Variants in CD4 observed in about 807,000 individuals in gnomAD.
CD4 encodes CD4 molecule.
Under a neutral mutation model 50.5 loss-of-function variants are expected in CD4, and 25 were observed. The ratio of observed to expected loss-of-function variants is 0.49; its 90% CI spans 0.36 to 0.69. CD4 has a LOEUF of 0.69. CD4 is among the 30% of genes least tolerant of loss of function. The pLI, the probability that CD4 is intolerant of heterozygous loss-of-function variation, is 0.00. For missense variants in CD4, 456 were observed against 548.5 expected (o/e 0.83, Z 1.68); for synonymous variants, 207 against 221.9 (o/e 0.93, Z 0.60).
chr12:6,818,667 C>G lies in CD4; in HGVS notation c.1278+125C>G. 7.7e-7 allele frequency: 1 copy of G among 1,300,950 alleles called. No individual in the cohort carries two copies. The allele number at this position is 1,300,950 out of a possible 1,614,324, so 80.6% of individuals were successfully genotyped here. On this transcript the variant is annotated intron_variant, in intron 8 of 9. Transcript: ENST00000011653. This position sits in a 1 kb window ranked among gnomAD's most constrained non-coding sequence, Gnocchi z 5.0. ...TGCCCACTCGTAAGTTCCCTTGCTG[C>G]CCTGTCCCAGATCCCACTCAAGGGA... is the stretch of plus-strand genomic sequence containing the variant.
At position 6,818,135 on chromosome 12, in the gene CD4, ACACACATGCACACACT is replaced by A. The variant is rs1943152091; in HGVS notation, c.1157-270_1157-255del. Reference sequence around the variant, plus strand: ...ACACATTCACACCATTCACACACGCACACACATGCACACACTCACACATGCACACACACATGCACTC... The same window carrying A: ...ACACATTCACACCATTCACACACGCACACACATGCACACACACATGCACTC... On this transcript the variant is annotated intron_variant, in intron 7 of 9. Coordinates refer to ENST00000011653, the MANE Select transcript of CD4 (RefSeq NM_000616.5). The surrounding 1 kb of genome is among the most constrained non-coding windows in gnomAD (Gnocchi z 5.0). Among the ~76,000 whole-genome samples, 2 of 151,954 alleles carry A rather than the reference ACACACATGCACACACT, an allele frequency of 1.3e-5. No homozygotes were observed. Among genetic ancestry groups the A allele is most frequent in the Middle Eastern group, 3.4e-3 (1 of 292 alleles).
intron 3 of CD4, among the ~76,000 whole-genome samples, chr12:6,812,881 G>A (rs782570629): frequency 6.2e-3 from 12 of 1,928 alleles, no homozygotes; most frequent in African/African-American, 7.5e-3. Flanking sequence ...CTGCCTCCCA[G>A]TCTCAAGCGA....
chr12:6,819,016 A>C, intron 9 of CD4, 102 bp downstream of exon 9: 2 of 683,354 alleles, frequency 2.9e-6, no homozygotes, highest in East Asian at 3.9e-5. Flanking sequence ...GGAAGGGAGG[A>C]TGGAGAGGAG....
Position 6,818,946 on chromosome 12 carries a change from GGAA to G in CD4, c.1346+33_1346+35del. 1 of 1,079,114 alleles carries G rather than the reference GGAA, an allele frequency of 9.3e-7. No individual in the cohort carries two copies. The highest frequency in any genetic ancestry group is 1.4e-6 in the Non-Finnish European group (1 of 702,658). The allele number at this position is 1,079,114 out of a possible 1,614,324, so 66.8% of individuals were successfully genotyped here. A position where few individuals can be genotyped will look rare whatever the true frequency, so the allele number is the denominator to read the frequency against. The stretch of plus-strand genomic sequence containing the variant: ...ATCTGGGAGGAGGGGTTGAGAGAGG[GGAA>G]AGGGGGAGGGGGAGGGAGTTAGAGA... On this transcript the variant is annotated intron_variant, in intron 9 of 9. Transcript: ENST00000011653. The surrounding 1 kb of genome is among the most constrained non-coding windows in gnomAD (Gnocchi z 5.0).
chr12:6,807,447 G>GA (rs1942798385), intron 3 of CD4, among the ~76,000 whole-genome samples: 1 of 151,896 alleles, frequency 6.6e-6, no homozygotes, highest in Non-Finnish European at 1.5e-5. Context: ...TATGCTGAGT[G>GA]AAAAAAAGCC....
At chr12:6,798,559 C>T (rs920633277) in intron 1 of CD4, among the ~76,000 whole-genome samples, 28 of 152,172 alleles carry the variant, frequency 1.8e-4, no homozygotes, top group African/African-American at 6.0e-4. Context: ...ACAAAAGTTA[C>T]AGATTAACAG....
At chr12:6,793,902 C>T (rs1942269642) in intron 1 of CD4, among the ~76,000 whole-genome samples, 2 of 151,290 alleles carry the variant, frequency 1.3e-5, no homozygotes, top group Non-Finnish European at 2.9e-5. Context: ...ATCTGCCTGC[C>T]TCGGCCTCCC....
intron 1 of CD4, among the ~76,000 whole-genome samples, chr12:6,795,102 A>C (rs570376819): frequency 2.3e-4 from 34 of 149,058 alleles, no homozygotes; most frequent in African/African-American, 7.7e-4. Flanking sequence ...GTCTGTCTCT[A>C]TCTATCTATC....
At position 6,819,565 on chromosome 12, in the gene CD4, C is replaced by G. The variant is rs201013016; in HGVS notation, c.*236C>G. The G allele has an allele frequency of 8.6e-6, 5 of 579,114 alleles. No homozygotes were observed. Among genetic ancestry groups the G allele is most frequent in the Non-Finnish European group, 1.5e-5 (5 of 324,000 alleles). 35.9% of individuals were successfully genotyped at this position (579,114 alleles called of 1,614,324 possible). On this transcript the variant is annotated 3_prime_UTR_variant, in exon 10 of 10. Coordinates refer to ENST00000011653, the MANE Select transcript of CD4 (RefSeq NM_000616.5). ...CACGCCATTTCCTTTTCCTTCAAGC[C>G]TAGCCCTTCTCTCATTATTTCTCTC...
chr12:6,804,549 A>G (rs1325711495), intron 3 of CD4, among the ~76,000 whole-genome samples: 1 of 152,218 alleles, frequency 6.6e-6, no homozygotes, highest in Non-Finnish European at 1.5e-5. Flanking sequence ...ACATGTGTAC[A>G]CAGAAATTAA....
chr12:6,806,146 A>G (rs1469344731), intron 3 of CD4, among the ~76,000 whole-genome samples: 20 of 142,374 alleles, frequency 1.4e-4, no homozygotes, highest in Non-Finnish European at 2.2e-4. Flanking sequence ...CAAAAAAAAA[A>G]AAAGGTACAT....
Position 6,814,163 on chromosome 12 carries a change from G to A in CD4, c.236G>A (p.Arg79His), listed in dbSNP as rs1943021607. 4.3e-6 allele frequency: 7 copies of A among 1,613,952 alleles called. No individual in the cohort carries two copies. The highest frequency in any genetic ancestry group is 1.7e-4 in the Middle Eastern group (1 of 6,058). Reference protein sequence around the residue: ...LTKGPSKLNDRADSRRSLWDQ... With the variant: ...LTKGPSKLNDHADSRRSLWDQ... ...CCAGGTCCATCCAAGCTGAATGATC[G>A]CGCTGACTCAAGAAGAAGCCTTTGG... Residue 79 changes from arginine (R) to histidine (H), a missense_variant, in exon 4 of 10, where the codon CGC (arginine) becomes CAC (histidine). Arg to His is a conservative substitution (Grantham distance 29, BLOSUM62 0). Transcript: ENST00000011653.
At position 6,816,241 on chromosome 12, in the gene CD4, C is replaced by T. The variant is rs28919570; in HGVS notation, c.793C>T (p.Arg265Trp). ...GAAGAACAAGGAAGTGTCTGTAAAA[C>T]GGGTTACCCAGGACCCTAAGCTCCA... ...DLKNKEVSVK[R>W]VTQDPKLQMG... is the part of the protein sequence containing the mutation. Residue 265 changes from arginine to tryptophan, a missense_variant, in exon 6 of 10, where the codon CGG (arginine) becomes TGG (tryptophan). Transcript: ENST00000011653. The surrounding 1 kb of genome is among the most constrained non-coding windows in gnomAD (Gnocchi z 4.9). 21,521 of 1,614,120 alleles carry T rather than the reference C, an allele frequency of 0.013. 1,611 individuals are homozygous for T. In the African/African-American group the frequency reaches 0.2, roughly 15 times the overall value.
rs1254402701 is a variant in CD4 at position 6,794,768 on chromosome 12, T to C, written c.-68+5106T>C. Among the ~76,000 whole-genome samples the C allele has an allele frequency of 4.1e-5, 6 of 147,646 alleles. No homozygotes were observed. In the East Asian group the frequency reaches 1.2e-3, roughly 30 times the overall value. On this transcript the variant is annotated intron_variant, in intron 1 of 9. Coordinates refer to ENST00000011653, the MANE Select transcript of CD4 (RefSeq NM_000616.5). ...TCTATTTATCTAATCTATCTGTCTG[T>C]ATGTCTGTTTTTTTTTTGTTTTTTT...
intron 1 of CD4, among the ~76,000 whole-genome samples, chr12:6,796,269 G>T (rs1338831917): frequency 2.6e-5 from 4 of 152,270 alleles, no homozygotes; most frequent in Middle Eastern, 3.4e-3. Context: ...GTAGAAGGTG[G>T]AACACACCCA....
intron 3 of CD4, among the ~76,000 whole-genome samples, chr12:6,810,322 G>A (rs1555116825): frequency 6.6e-6 from 1 of 152,222 alleles, no homozygotes; most frequent in African/African-American, 2.4e-5. Context: ...GCATGGACAA[G>A]CAGGCCATGG....
At chr12:6,817,733 TCA>T (rs1943120997) in intron 7 of CD4, among the ~76,000 whole-genome samples, 1 of 108,604 alleles carries the variant, frequency 9.2e-6, no homozygotes. Flanking sequence ...CACACATCAC[TCA>T]CACACTCGCA....
rs372868944 is a variant in CD4, at chr12:6,808,639, G to A, written c.215-5503G>A. Among the ~76,000 whole-genome samples, 345 of 151,850 alleles carry A rather than the reference G, an allele frequency of 2.3e-3. 3 individuals carry two copies. Among genetic ancestry groups the A allele is most frequent in the South Asian group, 1.0e-2 (48 of 4,824 alleles). The stretch of plus-strand genomic sequence containing the variant: ...TATTATTAGTATTTTCTATTTCATT[G>A]TAAGTTATTTGTAAATATTGGTTTT... On this transcript the variant is annotated intron_variant, in intron 3 of 9. Coordinates refer to ENST00000011653, the MANE Select transcript of CD4 (RefSeq NM_000616.5).
At chr12:6,809,740 C>G (rs1321208249) in intron 3 of CD4, among the ~76,000 whole-genome samples, 1 of 152,154 alleles carries the variant, frequency 6.6e-6, no homozygotes, top group Non-Finnish European at 1.5e-5. Context: ...GCAGGACGTT[C>G]ACCCTCTCAG....
Sources: allele counts gnomAD v4.1 joint callset (sites outside exome capture counted in the v4.1 genomes callset), GRCh38; gene constraint gnomAD v4.1.1; non-coding constraint Gnocchi (gnomAD v3.1); transcripts MANE v1.5; gene names NCBI Gene and HGNC (gene_info 2026-07-23, HGNC 2026-07-21).